Variants in DLGAP2 observed in about 807,000 individuals in gnomAD.
DLGAP2 encodes the protein disks large-associated protein 2.
In DLGAP2, 26 loss-of-function variants were observed where a neutral mutation model predicts 100.3. That is an observed-to-expected ratio of 0.26 (90% CI 0.19 to 0.36). The LOEUF is 0.36. Ranked by LOEUF, DLGAP2 falls within the 10% of genes least tolerant of loss-of-function variation. DLGAP2 has a pLI of 1.00. For missense variants in DLGAP2, 1,858 were observed against 1,453.2 expected (o/e 1.28, Z -4.53); for synonymous variants, 886 against 630.1 (o/e 1.41, Z -6.08).
At chr8:1,181,766 C>G (rs1037326693) in intron 2 of DLGAP2, among the ~76,000 whole-genome samples, 4 of 152,132 alleles carry the variant, frequency 2.6e-5, no homozygotes, top group Admixed American at 6.5e-5. Flanking sequence ...GCTCCCCAGG[C>G]TGGGCTAGGG....
chr8:1,068,880 A>T (rs1803339916), intron 2 of DLGAP2, among the ~76,000 whole-genome samples: 1 of 151,900 alleles, frequency 6.6e-6, no homozygotes, highest in Non-Finnish European at 1.5e-5. Context: ...TAGAGTGAGG[A>T]TTTTTGCATA....
At chr8:1,189,166 G>A (rs1004336051) in intron 2 of DLGAP2, among the ~76,000 whole-genome samples, 1 of 144,870 alleles carries the variant, frequency 6.9e-6, no homozygotes, top group Non-Finnish European at 1.5e-5. Context: ...CAGGGTTCGG[G>A]CCCCAGGCCG....
intron 1 of DLGAP2, among the ~76,000 whole-genome samples, chr8:743,493 T>C (rs1367538551): frequency 1.3e-5 from 2 of 152,212 alleles, no homozygotes; most frequent in African/African-American, 4.8e-5. Flanking sequence ...TGATTTGGTT[T>C]CTTTGAAATA....
chr8:1,186,493 CTG>C (rs1396150885), intron 2 of DLGAP2, among the ~76,000 whole-genome samples: 1 of 152,212 alleles, frequency 6.6e-6, no homozygotes, highest in African/African-American at 2.4e-5. Flanking sequence ...ATCAACAAGG[CTG>C]TCAGTGACTG....
chr8:1,228,644 C>G (rs1798472234), intron 2 of DLGAP2, among the ~76,000 whole-genome samples: 2 of 152,136 alleles, frequency 1.3e-5, no homozygotes, highest in South Asian at 4.1e-4. Flanking sequence ...ATCTGCAAAT[C>G]AATTAATGCA....
At chr8:1,084,950 C>G (rs1377397188) in intron 2 of DLGAP2, among the ~76,000 whole-genome samples, 1 of 152,208 alleles carries the variant, frequency 6.6e-6, no homozygotes, top group Non-Finnish European at 1.5e-5. Flanking sequence ...TCGTACTGTT[C>G]TCCAGAGTGA....
intron 1 of DLGAP2, among the ~76,000 whole-genome samples, chr8:903,837 G>T (rs1609956): frequency 6.6e-6 from 1 of 152,176 alleles, no homozygotes; most frequent in Non-Finnish European, 1.5e-5. Context: ...CCTGACTTAC[G>T]GTGCTCGTTA....
chr8:1,119,595 G>A (rs1795987994), intron 2 of DLGAP2, among the ~76,000 whole-genome samples: 2 of 152,238 alleles, frequency 1.3e-5, no homozygotes, highest in Admixed American at 6.5e-5. Context: ...TGCCGTGCCT[G>A]GAACTGGTCC....
intron 3 of DLGAP2, among the ~76,000 whole-genome samples, chr8:1,269,617 C>T (rs772834853): frequency 3.9e-5 from 6 of 152,042 alleles, no homozygotes; most frequent in Non-Finnish European, 8.8e-5. Context: ...TTACCCATTA[C>T]GAAGGAGTGA....
chr8:834,115 G>A (rs754285879), intron 1 of DLGAP2, among the ~76,000 whole-genome samples: 3 of 152,182 alleles, frequency 2.0e-5, no homozygotes, highest in Non-Finnish European at 4.4e-5. Context: ...ACTCAGCGTT[G>A]CCTAGTACAG....
At chr8:1,153,377 G>C (rs568489470) in intron 2 of DLGAP2, among the ~76,000 whole-genome samples, 48 of 152,146 alleles carry the variant, frequency 3.2e-4, no homozygotes, top group Admixed American at 3.9e-4. Flanking sequence ...TTCTAAACAC[G>C]CCTCTTTCTA....
At position 844,319 on chromosome 8, in the gene DLGAP2, C is replaced by T. The variant is rs1402145645; in HGVS notation, c.19-63593C>T. 2.0e-5 allele frequency among the ~76,000 whole-genome samples: 3 copies of T among 152,144 alleles called. 1 individual carries two copies. In the South Asian group the frequency reaches 6.2e-4, roughly 32 times the overall value. ...GTAACATACCTGCAAAAAGTTATGC[C>T]AGTTGTTAAGTTCACAGCCACTCAG... On this transcript the variant is annotated intron_variant, in intron 1 of 14. Transcript: ENST00000637795.
intron 3 of DLGAP2, among the ~76,000 whole-genome samples, chr8:1,350,443 C>T (rs78759688): frequency 8.0e-5 from 5 of 62,552 alleles, no homozygotes; most frequent in Non-Finnish European, 9.6e-5. Context: ...CCTGAGTGTG[C>T]GTGGAAAGGC....
intron 2 of DLGAP2, among the ~76,000 whole-genome samples, chr8:1,213,578 G>T (rs964628447): frequency 3.3e-5 from 5 of 152,050 alleles, no homozygotes; most frequent in African/African-American, 1.2e-4. Flanking sequence ...GGTTTTCTGC[G>T]GCATCTTCCT....
chr8:829,251 A>G (rs761467071), intron 1 of DLGAP2, among the ~76,000 whole-genome samples: 2 of 152,180 alleles, frequency 1.3e-5, no homozygotes, highest in Admixed American at 6.5e-5. Flanking sequence ...AAAATAATCA[A>G]TATTTGCCTG....
intron 2 of DLGAP2, among the ~76,000 whole-genome samples, chr8:985,093 G>C (rs1800447744): frequency 6.6e-6 from 1 of 152,234 alleles, no homozygotes; most frequent in Non-Finnish European, 1.5e-5. Context: ...TTTCCACGTA[G>C]TCATATCTTG....
intron 8 of DLGAP2, among the ~76,000 whole-genome samples, chr8:1,645,279 A>C (rs1266201985): frequency 1.3e-5 from 2 of 152,226 alleles, no homozygotes; most frequent in African/African-American, 4.8e-5. Context: ...TGCCCACACA[A>C]CCATTCTGTT....
intron 2 of DLGAP2, among the ~76,000 whole-genome samples, chr8:1,138,606 C>T (rs560236142): frequency 9.8e-5 from 15 of 152,348 alleles, no homozygotes; most frequent in South Asian, 2.1e-4. Flanking sequence ...AATAAAGTGC[C>T]GAGTGACATT....
chr8:1,345,711 C>T (rs977925102), intron 3 of DLGAP2, among the ~76,000 whole-genome samples: 5 of 152,230 alleles, frequency 3.3e-5, no homozygotes, highest in Non-Finnish European at 5.9e-5. Flanking sequence ...GTGAAGGGCT[C>T]ATGCTTTGGA....
Sources: allele counts gnomAD v4.1 joint callset (sites outside exome capture counted in the v4.1 genomes callset), GRCh38; gene constraint gnomAD v4.1.1; transcripts MANE v1.5; gene names NCBI Gene and HGNC (gene_info 2026-07-23, HGNC 2026-07-21).